Variants in GATAD2A observed in about 807,000 individuals in gnomAD.
GATAD2A encodes the protein transcriptional repressor p66-alpha.
GATAD2A carries 12 observed loss-of-function variants against 68.5 expected under a neutral mutation model. The ratio of observed to expected loss-of-function variants is 0.18; its 90% CI spans 0.11 to 0.28. The LOEUF (loss-of-function observed/expected upper bound fraction) is 0.28. Among genes scored for constraint, GATAD2A ranks in the 10% least tolerant of loss-of-function variants. The pLI is 1.00. For missense variants in GATAD2A, 755 were observed against 868.5 expected (o/e 0.87, Z 1.64); for synonymous variants, 410 against 375.3 (o/e 1.09, Z -1.07).
chr19:19,445,065 C>A (rs2055555165), intron 1 of GATAD2A, among the ~76,000 whole-genome samples: 1 of 152,046 alleles, frequency 6.6e-6, no homozygotes, highest in South Asian at 2.1e-4. Context: ...GTCCCACATT[C>A]TCATACTCCC....
At chr19:19,463,491 G>A (rs1002421090) in intron 1 of GATAD2A, among the ~76,000 whole-genome samples, 3 of 152,182 alleles carry the variant, frequency 2.0e-5, no homozygotes, top group African/African-American at 7.2e-5. Flanking sequence ...GAGGAGCTGA[G>A]GGGCAGCTGA....
At chr19:19,411,732 G>T (rs1044430502) in intron 1 of GATAD2A, among the ~76,000 whole-genome samples, 1 of 152,196 alleles carries the variant, frequency 6.6e-6, no homozygotes, top group Non-Finnish European at 1.5e-5. Flanking sequence ...GTGAGGACAA[G>T]TGGAAAGTGT....
chr19:19,466,094 C>G (rs1363978546), intron 2 of GATAD2A, among the ~76,000 whole-genome samples: 4 of 152,220 alleles, frequency 2.6e-5, no homozygotes, highest in South Asian at 2.1e-4. Context: ...GATGCTCACT[C>G]GACTCCATGT....
In GATAD2A at chr19:19,498,542, G is replaced by T; in HGVS notation, c.1024G>T (p.Ala342Ser). 1 of 1,613,938 alleles carries T rather than the reference G, an allele frequency of 6.2e-7. No individual in the cohort carries two copies. The highest frequency in any genetic ancestry group is 8.5e-7 in the Non-Finnish European group (1 of 1,180,026). ...TGTGGTCACCTCTGCCGAGTCTCCA[G>T]CAAGCCGACAGGCGGCCGCCAAGCT... Reference protein sequence around the residue: ...ASVVTSAESPASRQAAAKLAL... With the variant: ...ASVVTSAESPSSRQAAAKLAL... Residue 342 changes from alanine (A) to serine (S), a missense_variant, in exon 8 of 12, where the codon GCA becomes TCA. By Grantham distance (99) the Ala-to-Ser change is moderately conservative. Transcript: ENST00000683918.
At chr19:19,426,636 G>A (rs1472344315) in intron 1 of GATAD2A, among the ~76,000 whole-genome samples, 1 of 152,042 alleles carries the variant, frequency 6.6e-6, no homozygotes, top group Non-Finnish European at 1.5e-5. Context: ...TCAGCCTCCC[G>A]AGTAGCTGAG....
At chr19:19,501,050 T>G in intron 8 of GATAD2A, 68 bp from the exon 9 acceptor site, 1 of 1,410,406 alleles carries the variant, frequency 7.1e-7, no homozygotes, top group Non-Finnish European at 9.8e-7. Context: ...CATCCTGGGC[T>G]GGGGGCGGCC....
intron 2 of GATAD2A, among the ~76,000 whole-genome samples, chr19:19,488,177 GGCGGTGACA>G (rs1250666091): frequency 6.6e-6 from 1 of 152,222 alleles, no homozygotes; most frequent in African/African-American, 2.4e-5. Flanking sequence ...CTGCTGCTAT[GGCGGTGACA>G]GCGGTGGTCA....
chr19:19,429,320 T>C, intron 1 of GATAD2A: 5 of 715,820 alleles, frequency 7.0e-6, no homozygotes, highest in Non-Finnish European at 8.6e-6. Context: ...TAGGAGGGGC[T>C]CTCCTGGCCA....
chr19:19,499,949 A>C (rs2060413419), intron 8 of GATAD2A, among the ~76,000 whole-genome samples: 1 of 152,176 alleles, frequency 6.6e-6, no homozygotes, highest in African/African-American at 2.4e-5. Flanking sequence ...CTTTTCGACA[A>C]GGTGATGTCG....
intron 1 of GATAD2A, among the ~76,000 whole-genome samples, chr19:19,440,937 T>C (rs969491121): frequency 6.8e-6 from 1 of 146,996 alleles, no homozygotes; most frequent in African/African-American, 2.6e-5. Context: ...TTCCTTTTCT[T>C]CCTTCCCTTT....
At chr19:19,474,902 C>G (rs2058566206) in intron 2 of GATAD2A, among the ~76,000 whole-genome samples, 2 of 152,212 alleles carry the variant, frequency 1.3e-5, no homozygotes, top group South Asian at 4.1e-4. Context: ...CAGACTTGGC[C>G]TACACGTGTG....
At chr19:19,391,610 A>C (rs761017444) in intron 1 of GATAD2A, among the ~76,000 whole-genome samples, 3 of 152,230 alleles carry the variant, frequency 2.0e-5, no homozygotes, top group African/African-American at 7.2e-5. Flanking sequence ...CCAAGTCTCT[A>C]TCTAACAGGA....
intron 1 of GATAD2A, among the ~76,000 whole-genome samples, chr19:19,434,184 G>T (rs893311060): frequency 8.5e-5 from 13 of 152,226 alleles, no homozygotes; most frequent in Middle Eastern, 3.4e-3. Context: ...ATTGGTTTGT[G>T]CCTGTGTGTA....
At chr19:19,443,770 C>T (rs957088300) in intron 1 of GATAD2A, among the ~76,000 whole-genome samples, 41 of 151,946 alleles carry the variant, frequency 2.7e-4, no homozygotes, top group African/African-American at 7.7e-4. Context: ...CAGGGAGCTT[C>T]GTGACTGGAT....
At chr19:19,503,859 A>G (rs1220708836) in intron 11 of GATAD2A, among the ~76,000 whole-genome samples, 1 of 152,154 alleles carries the variant, frequency 6.6e-6, no homozygotes, top group Non-Finnish European at 1.5e-5. Flanking sequence ...GTTGGTTCCT[A>G]AGAACATTTG....
intron 1 of GATAD2A, among the ~76,000 whole-genome samples, chr19:19,422,230 G>A (rs1765914427): frequency 6.6e-6 from 1 of 152,160 alleles, no homozygotes; most frequent in Non-Finnish European, 1.5e-5. Flanking sequence ...AACGCCATTT[G>A]AGGCAGAAAC....
chr19:19,405,368 A>G (rs2050095135), upstream of GATAD2A, among the ~76,000 whole-genome samples: 1 of 152,188 alleles, frequency 6.6e-6, no homozygotes, highest in African/African-American at 2.4e-5. Context: ...AGCTGGCGCG[A>G]GGTCAGCAGT....
Position 19,506,893 on chromosome 19 carries a change from G to A in GATAD2A, c.*1419G>A, listed in dbSNP as rs1334585531. 1.3e-5 allele frequency: 2 copies of A among 152,032 alleles called. No individual in the cohort carries two copies. The highest frequency in any genetic ancestry group is 2.9e-5 in the Non-Finnish European group (2 of 68,006). The allele number at this position is 152,032 out of a possible 1,614,324, so 9.4% of individuals were successfully genotyped here. A position where few individuals can be genotyped will look rare whatever the true frequency, so the allele number is the denominator to read the frequency against. On this transcript the variant is annotated 3_prime_UTR_variant, in exon 12 of 12. Coordinates refer to ENST00000683918, the MANE Select transcript of GATAD2A (RefSeq NM_001384528.1). ...CTGGTTTTCCTACCCATGCAGTTAG[G>A]GACTTTAATTTAATTTTTTTTTTGT...
At chr19:19,437,626 C>T (rs1490271989) in intron 1 of GATAD2A, among the ~76,000 whole-genome samples, 2 of 152,196 alleles carry the variant, frequency 1.3e-5, no homozygotes, top group Admixed American at 1.3e-4. Flanking sequence ...GACCTCTAAT[C>T]TACTTTCTGT....
Sources: gnomAD v4.1 joint callset for allele counts (sites outside exome capture counted in the v4.1 genomes callset) on GRCh38, gnomAD v4.1.1 for gene constraint, MANE v1.5 for transcripts, NCBI Gene and HGNC (gene_info 2026-07-23, HGNC 2026-07-21) for gene names.